IL1RAPL2: variants seen among roughly 807,000 people sequenced by gnomAD.
The protein encoded by IL1RAPL2 is X-linked interleukin-1 receptor accessory protein-like 2.
In IL1RAPL2, 3 loss-of-function variants were observed where a neutral mutation model predicts 44.1. The observed-to-expected ratio is 0.07, with a 90% CI of 0.03 to 0.18. The LOEUF (loss-of-function observed/expected upper bound fraction) is 0.18. Ranked by LOEUF, IL1RAPL2 falls within the 10% of genes least tolerant of loss-of-function variation. The pLI is 1.00. For synonymous variants in IL1RAPL2, 181 were observed against 178.8 expected (o/e 1.01, Z -0.10); for missense variants, 391 against 496.4 (o/e 0.79, Z 2.02).
chrX:104,943,880 G>A (rs887284172), intron 2 of IL1RAPL2, among the ~76,000 whole-genome samples: 4 of 111,906 alleles, frequency 3.6e-5, no homozygotes, highest in Non-Finnish European at 3.8e-5. Context: ...TCACTGTGCC[G>A]GAAATTAAGA....
intron 1 of IL1RAPL2, among the ~76,000 whole-genome samples, chrX:104,593,926 T>G (rs1013529136): frequency 1.5e-4 from 17 of 112,457 alleles, no homozygotes; most frequent in African/African-American, 5.2e-4. Flanking sequence ...GTGGACTATC[T>G]TTGTGATTTT....
rs147031312 is a variant in IL1RAPL2, at chrX:105,644,666, G to C, written c.773-72701G>C. ...GTACATGTGCAGAACGCGCAGGTTTGTTACATAGGTATATATGTACCATGG... is the reference window on the plus strand; with the variant it reads ...GTACATGTGCAGAACGCGCAGGTTTCTTACATAGGTATATATGTACCATGG... On this transcript the variant is annotated intron_variant, in intron 6 of 10. Transcript: ENST00000372582. 5.1e-3 allele frequency among the ~76,000 whole-genome samples: 562 copies of C among 110,599 alleles called. 4 individuals carry two copies. The highest frequency in any genetic ancestry group is 8.1e-3 in the Non-Finnish European group (431 of 52,914).
At chrX:104,666,639 C>T (rs759537747) in intron 2 of IL1RAPL2, among the ~76,000 whole-genome samples, 83 of 112,197 alleles carry the variant, frequency 7.4e-4, no homozygotes, top group African/African-American at 2.6e-3. Context: ...AGAGTGGAGA[C>T]ATGCTTTGAA....
intron 5 of IL1RAPL2, among the ~76,000 whole-genome samples, chrX:105,305,581 G>A (rs916972364): frequency 2.7e-5 from 3 of 110,110 alleles, no homozygotes; most frequent in Non-Finnish European, 1.9e-5. Context: ...ATTCCCATTT[G>A]AAAAGTTTTT....
At chrX:105,590,067 A>G (rs773307554) in intron 6 of IL1RAPL2, among the ~76,000 whole-genome samples, 1 of 111,410 alleles carries the variant, frequency 9.0e-6, no homozygotes, top group Admixed American at 9.5e-5. Context: ...AGTGTTTTAT[A>G]ATTCTCATTG....
chrX:105,586,249 A>T (rs1856484784), intron 6 of IL1RAPL2, among the ~76,000 whole-genome samples: 1 of 112,168 alleles, frequency 8.9e-6, no homozygotes, highest in Admixed American at 9.4e-5. Context: ...CAGAAAAAAA[A>T]GCTCAGCATC....
intron 2 of IL1RAPL2, among the ~76,000 whole-genome samples, chrX:104,806,762 T>G (rs1028841682): frequency 5.4e-5 from 6 of 111,915 alleles, no homozygotes; most frequent in Non-Finnish European, 9.4e-5. Context: ...TGGGGATAGT[T>G]TCCTGAGAAT....
intron 5 of IL1RAPL2, among the ~76,000 whole-genome samples, chrX:105,447,683 TA>T (rs1308197190): frequency 3.8e-5 from 3 of 78,940 alleles, no homozygotes; most frequent in Non-Finnish European, 4.3e-5. Flanking sequence ...ATAAATATAT[TA>T]AAAATATAAA....
intron 2 of IL1RAPL2, among the ~76,000 whole-genome samples, chrX:104,752,437 A>G (rs967034079): frequency 9.0e-6 from 1 of 110,804 alleles, no homozygotes; most frequent in Non-Finnish European, 1.9e-5. Context: ...GGGTTCACTT[A>G]TTGTGACAAG....
chrX:105,644,113 G>A (rs751595783), intron 6 of IL1RAPL2, among the ~76,000 whole-genome samples: 4 of 111,073 alleles, frequency 3.6e-5, no homozygotes, highest in African/African-American at 1.3e-4. Flanking sequence ...GGATGGTCTC[G>A]ATCTCCTGAC....
chrX:104,873,214 G>A (rs779333459), intron 2 of IL1RAPL2, among the ~76,000 whole-genome samples: 3 of 110,940 alleles, frequency 2.7e-5, no homozygotes, highest in Non-Finnish European at 5.7e-5. Context: ...AAGTGCAAGA[G>A]AGCTCTGTGA....
chrX:105,267,530 T>C lies in IL1RAPL2; in HGVS notation c.686T>C (p.Leu229Ser). ...EGKLVRRTTE[L>S]KVTALLTDKP... ...AAACTTGTAAGACGAACAACTGAATTGAAAGTTACAGGTAGGAATCAGTTC... is the reference window on the plus strand; with the variant it reads ...AAACTTGTAAGACGAACAACTGAATCGAAAGTTACAGGTAGGAATCAGTTC... The change falls in exon 5 of 11, where the codon TTG becomes TCG. Residue 229 changes from leucine (L) to serine (S), a missense_variant. Physicochemically the swap from Leu to Ser is moderately radical, Grantham distance 145 (BLOSUM62 -2). This residue lies in a region of IL1RAPL2 where 159 missense variants were observed against 251.7 expected (regional missense o/e 0.63). Transcript: ENST00000372582. 1 of 1,185,002 alleles carries C rather than the reference T, an allele frequency of 8.4e-7. No individual in the cohort carries two copies. The highest frequency in any genetic ancestry group is 1.1e-6 in the Non-Finnish European group (1 of 881,614).
intron 6 of IL1RAPL2, among the ~76,000 whole-genome samples, chrX:105,585,313 C>A (rs1443240423): frequency 9.3e-6 from 1 of 107,066 alleles, no homozygotes; most frequent in Non-Finnish European, 1.9e-5. Context: ...TTTGTTGTTT[C>A]TTTTGCATGT....
chrX:105,649,224 A>G (rs2037626625), intron 6 of IL1RAPL2, among the ~76,000 whole-genome samples: 1 of 110,872 alleles, frequency 9.0e-6, no homozygotes, highest in Admixed American at 9.6e-5. Flanking sequence ...TAGTCTGCCA[A>G]TATATTCACT....
chrX:104,877,740 A>C (rs951966609), intron 2 of IL1RAPL2, among the ~76,000 whole-genome samples: 10 of 111,567 alleles, frequency 9.0e-5, no homozygotes, highest in Admixed American at 8.6e-4. Flanking sequence ...CTGTCTGTAC[A>C]TACAGGGCAT....
Position 104,875,668 on chromosome X carries a change from T to C in IL1RAPL2, c.82+216673T>C, listed in dbSNP as rs763176204. Among the ~76,000 whole-genome samples, 4 of 111,998 alleles carry C rather than the reference T, an allele frequency of 3.6e-5. No individual in the cohort carries two copies. The South Asian group carries it at 1.5e-3, about 42-fold the overall frequency. On this transcript the variant is annotated intron_variant, in intron 2 of 10. Transcript: ENST00000372582. ...TCCTTGATCACTGTATTCTTTTAAG[T>C]CTTTGCTCAAAGATCAACTTCTCAG...
intron 10 of IL1RAPL2, 71 bp from the exon 11 acceptor site, chrX:105,766,893 T>G: frequency 1.4e-6 from 1 of 709,226 alleles, no homozygotes; most frequent in Non-Finnish European, 2.2e-6. Context: ...GCTATACTAG[T>G]GTGCAAACCT....
At chrX:105,573,161 C>A (rs1165961903) in intron 6 of IL1RAPL2, among the ~76,000 whole-genome samples, 1 of 111,159 alleles carries the variant, frequency 9.0e-6, no homozygotes, top group African/African-American at 3.3e-5. Context: ...TGGGCTCAAG[C>A]AATCCTCCCA....
intron 2 of IL1RAPL2, among the ~76,000 whole-genome samples, chrX:105,164,028 T>C (rs1261940602): frequency 9.0e-6 from 1 of 110,742 alleles, no homozygotes; most frequent in Non-Finnish European, 1.9e-5. Context: ...GTTGAAGACA[T>C]TCATGTGTTC....
Sources: allele counts gnomAD v4.1 joint callset (sites outside exome capture counted in the v4.1 genomes callset), GRCh38; gene constraint gnomAD v4.1.1; regional missense constraint gnomAD v4.1.1; transcripts MANE v1.5; gene names NCBI Gene and HGNC (gene_info 2026-07-23, HGNC 2026-07-21).